The following NARS2 variants were observed in gnomAD, a reference collection of about 807,000 sequenced individuals.
NARS2 encodes asparaginyl-tRNA synthetase.
Under a neutral mutation model 62.9 loss-of-function variants are expected in NARS2, and 60 were observed. That is an observed-to-expected ratio of 0.95 (90% CI 0.77 to 1.18). The LOEUF is 1.18. Ranked by LOEUF, NARS2 falls within the 50% of genes most tolerant of loss-of-function variation. NARS2 has a pLI of 0.00. For missense variants in NARS2, 619 were observed against 576.4 expected, an observed-to-expected ratio of 1.07 and a Z score of -0.76; for synonymous variants, 196 against 200.0, an observed-to-expected ratio of 0.98 and a Z score of 0.17.
intron 11 of NARS2, among the ~76,000 whole-genome samples, chr11:78,454,691 T>G (rs1858093767): frequency 6.6e-6 from 1 of 151,822 alleles, no homozygotes; most frequent in South Asian, 2.1e-4. Context: ...TGATCTCGGC[T>G]CACTGCAACC....
At chr11:78,572,988 TC>T (rs1340190985) in intron 1 of NARS2, 1 of 152,164 alleles carries the variant, frequency 6.6e-6, no homozygotes, top group African/African-American at 2.4e-5. Flanking sequence ...TAAACTGAAA[TC>T]CTCTAACCTG....
chr11:78,488,352 A>T (rs940793567), intron 7 of NARS2, among the ~76,000 whole-genome samples: 2 of 151,982 alleles, frequency 1.3e-5, no homozygotes, highest in African/African-American at 4.8e-5. Context: ...TGAAAGAGGG[A>T]GGCATGAGGG....
chr11:78,559,403 T>A (rs1197326281), intron 5 of NARS2, 136 bp downstream of exon 5: 1 of 633,430 alleles, frequency 1.6e-6, no homozygotes, highest in South Asian at 1.9e-5. Flanking sequence ...TCTATGTAAG[T>A]TTTTCAAGGA....
intron 5 of NARS2, among the ~76,000 whole-genome samples, chr11:78,531,353 A>G (rs1861471149): frequency 6.6e-6 from 1 of 152,218 alleles, no homozygotes; most frequent in Non-Finnish European, 1.5e-5. Flanking sequence ...TAAATCTTAA[A>G]AAACTAAAAT....
chr11:78,528,989 T>G, intron 5 of NARS2, 53 bp from the exon 6 acceptor site: 1 of 1,180,834 alleles, frequency 8.5e-7, no homozygotes, highest in South Asian at 1.2e-5. Context: ...TTGCTTTGCA[T>G]TTCACATTCA....
intron 11 of NARS2, among the ~76,000 whole-genome samples, chr11:78,460,585 C>G (rs1858356335): frequency 6.6e-6 from 1 of 152,104 alleles, no homozygotes; most frequent in African/African-American, 2.4e-5. Flanking sequence ...GAGCGCAAAA[C>G]TGACAGAACT....
At chr11:78,567,733 T>C (rs1404484252) in intron 3 of NARS2, among the ~76,000 whole-genome samples, 2 of 152,234 alleles carry the variant, frequency 1.3e-5, no homozygotes, top group Non-Finnish European at 2.9e-5. Context: ...TTTCCTTACA[T>C]TTCTTCCTAT....
chr11:78,485,651 C>T (rs1859540893), intron 7 of NARS2, among the ~76,000 whole-genome samples: 1 of 152,026 alleles, frequency 6.6e-6, no homozygotes, highest in Non-Finnish European at 1.5e-5. Context: ...TGGTAAAGTC[C>T]CTGTAGGATA....
At chr11:78,471,098 A>C (rs568335924) in intron 9 of NARS2, among the ~76,000 whole-genome samples, 1 of 152,276 alleles carries the variant, frequency 6.6e-6, no homozygotes, top group Non-Finnish European at 1.5e-5. Context: ...GAATCTATTC[A>C]AATTAAAATC....
At chr11:78,464,734 A>G (rs1241273425) in intron 11 of NARS2, among the ~76,000 whole-genome samples, 1 of 151,796 alleles carries the variant, frequency 6.6e-6, no homozygotes, top group African/African-American at 2.4e-5. Context: ...GAGTAGCTAG[A>G]AACAGAGTGT....
chr11:78,517,658 G>A (rs1177908104), intron 6 of NARS2, among the ~76,000 whole-genome samples: 4 of 152,098 alleles, frequency 2.6e-5, no homozygotes, highest in Non-Finnish European at 4.4e-5. Flanking sequence ...TTCACCTAGT[G>A]ATACCCAACC....
chr11:78,449,380 G>A (rs1197633221), intron 11 of NARS2, among the ~76,000 whole-genome samples: 10 of 151,390 alleles, frequency 6.6e-5, no homozygotes, highest in South Asian at 4.2e-4. Flanking sequence ...CTCGTGATCC[G>A]CCTGCCTCAG....
chr11:78,571,387 C>T lies in NARS2; in HGVS notation c.199G>A (p.Gly67Arg). The T allele has an allele frequency of 6.2e-7, 1 of 1,613,524 alleles. No homozygotes were observed. The highest frequency in any genetic ancestry group is 8.5e-7 in the Non-Finnish European group (1 of 1,179,880). ...ACCTGAAGGCTTTCCAAAGATGACC[C>T]ATCATTTACATGCAGGAACAAGACT... ...KEVLFLHVND[G>R]SSLESLQVVA... The change falls in exon 2 of 14, where the codon GGG (glycine) becomes AGG (arginine). Residue 67 changes from glycine (G) to arginine (R), a missense_variant. Transcript: ENST00000281038.
intron 6 of NARS2, among the ~76,000 whole-genome samples, chr11:78,525,601 G>C (rs904956583): frequency 6.6e-6 from 1 of 152,072 alleles, no homozygotes; most frequent in African/African-American, 2.4e-5. Context: ...GAAGGATAAA[G>C]AGACAACAAA....
chr11:78,456,495 G>A (rs893867567), intron 11 of NARS2, among the ~76,000 whole-genome samples: 4 of 152,106 alleles, frequency 2.6e-5, no homozygotes, highest in Non-Finnish European at 5.9e-5. Context: ...CTGTTGGTTG[G>A]TGGCTCGAGC....
At chr11:78,533,869 T>C (rs1385384882) in intron 5 of NARS2, among the ~76,000 whole-genome samples, 1 of 152,238 alleles carries the variant, frequency 6.6e-6, no homozygotes, top group East Asian at 1.9e-4. Context: ...TTTTGTCTTT[T>C]CCAGAATGTC....
chr11:78,506,660 G>A (rs549536155), intron 6 of NARS2, among the ~76,000 whole-genome samples: 1 of 152,282 alleles, frequency 6.6e-6, no homozygotes, highest in South Asian at 2.1e-4. Flanking sequence ...TCAGCCTCCT[G>A]AGTAGCTGGG....
At chr11:78,498,226 T>TA (rs1860138879) in intron 6 of NARS2, among the ~76,000 whole-genome samples, 1 of 152,184 alleles carries the variant, frequency 6.6e-6, no homozygotes, top group Non-Finnish European at 1.5e-5. Context: ...GCCTTCCTTG[T>TA]AAACACAGTA....
At chr11:78,499,048 C>T (rs1053877261) in intron 6 of NARS2, among the ~76,000 whole-genome samples, 2 of 151,538 alleles carry the variant, frequency 1.3e-5, no homozygotes, top group Non-Finnish European at 2.9e-5. Flanking sequence ...TCCCGAGTAG[C>T]TGGGACTACA....
Sources: allele counts gnomAD v4.1 joint callset (sites outside exome capture counted in the v4.1 genomes callset), GRCh38; gene constraint gnomAD v4.1.1; transcripts MANE v1.5; gene names NCBI Gene and HGNC (gene_info 2026-07-23, HGNC 2026-07-21).